CCDC60: variants seen among roughly 807,000 people sequenced by gnomAD.
CCDC60 encodes the protein coiled-coil domain-containing protein 60.
A neutral mutation model predicts 63.5 loss-of-function variants in CCDC60; 54 were observed. That is an observed-to-expected ratio of 0.85 (90% CI 0.68 to 1.07). The LOEUF is 1.07. Among genes scored for constraint, CCDC60 ranks in the 50% least tolerant of loss-of-function variants. The probability of loss-of-function intolerance (pLI) is 0.00; values close to 1 mark genes in which losing one functional copy is unlikely to be tolerated. For missense variants in CCDC60, 651 were observed against 684.3 expected (o/e 0.95, Z 0.54); for synonymous variants, 206 against 238.8 (o/e 0.86, Z 1.27).
At position 119,352,582 on chromosome 12, in the gene CCDC60, A is replaced by G. The variant is rs79631000; in HGVS notation, c.90+17316A>G. Among the ~76,000 whole-genome samples, 48 of 152,350 alleles carry G rather than the reference A, an allele frequency of 3.2e-4. 1 individual carries two copies. The East Asian group carries it at 9.0e-3, about 29-fold the overall frequency. On this transcript the variant is annotated intron_variant, in intron 1 of 13. Coordinates refer to ENST00000327554, the MANE Select transcript of CCDC60 (RefSeq NM_178499.5). ...AAGTCTCAATATTTCCCTCTGCAAC[A>G]TGACCAGAGCTGCTAATAATTGCTG...
At chr12:119,398,533 C>T (rs1455841220) in intron 1 of CCDC60, among the ~76,000 whole-genome samples, 1 of 152,244 alleles carries the variant, frequency 6.6e-6, no homozygotes, top group Non-Finnish European at 1.5e-5. Context: ...CCAGAGTAGG[C>T]ACCAAGGCCG....
At chr12:119,343,721 A>G (rs977777097) in intron 1 of CCDC60, among the ~76,000 whole-genome samples, 14 of 151,380 alleles carry the variant, frequency 9.2e-5, no homozygotes, top group African/African-American at 3.2e-4. Flanking sequence ...AAGTTCTATC[A>G]TGGAAAGACA....
intron 1 of CCDC60, among the ~76,000 whole-genome samples, chr12:119,405,187 G>A (rs975874588): frequency 3.3e-5 from 5 of 152,226 alleles, no homozygotes; most frequent in African/African-American, 1.2e-4. Flanking sequence ...TAACAACCAA[G>A]AGGAAGGTGT....
chr12:119,497,837 T>G (rs1435947210), intron 5 of CCDC60, among the ~76,000 whole-genome samples: 1 of 152,206 alleles, frequency 6.6e-6, no homozygotes, highest in Non-Finnish European at 1.5e-5. Flanking sequence ...TTTATAGGAC[T>G]GAAGGATTGC....
intron 1 of CCDC60, among the ~76,000 whole-genome samples, chr12:119,389,091 C>T (rs575012688): frequency 6.6e-6 from 1 of 152,320 alleles, no homozygotes; most frequent in Admixed American, 6.5e-5. Flanking sequence ...ACAGTAGCAC[C>T]TGTGGCTCTC....
intron 5 of CCDC60, among the ~76,000 whole-genome samples, chr12:119,490,135 T>G (rs1310781915): frequency 6.6e-6 from 1 of 152,110 alleles, no homozygotes; most frequent in Non-Finnish European, 1.5e-5. Flanking sequence ...CTTGAAGACA[T>G]TTATTACCCA....
chr12:119,412,550 CTG>C (rs1459258630), intron 1 of CCDC60, among the ~76,000 whole-genome samples: 3 of 152,108 alleles, frequency 2.0e-5, no homozygotes, highest in Non-Finnish European at 4.4e-5. Context: ...AGGAAGTAAA[CTG>C]TGGTGTAATA....
At chr12:119,350,522 C>A (rs771746409) in intron 1 of CCDC60, among the ~76,000 whole-genome samples, 4 of 152,084 alleles carry the variant, frequency 2.6e-5, no homozygotes, top group Non-Finnish European at 5.9e-5. Context: ...TGTGAGCCAC[C>A]ATGCCCAGCC....
intron 2 of CCDC60, among the ~76,000 whole-genome samples, chr12:119,446,990 C>A (rs1189841401): frequency 2.0e-5 from 3 of 152,106 alleles, no homozygotes; most frequent in Non-Finnish European, 2.9e-5. Context: ...GAGGTAAGGT[C>A]ATCTCAAATG....
Position 119,516,720 on chromosome 12 carries a change from G to A in CCDC60, c.968+13G>A, listed in dbSNP as rs1202762155. 1 of 1,563,254 alleles carries A rather than the reference G, an allele frequency of 6.4e-7. No homozygotes were observed. Among genetic ancestry groups the A allele is most frequent in the South Asian group, 1.1e-5 (1 of 89,534 alleles). On this transcript the variant is annotated intron_variant, in intron 8 of 13. Coordinates refer to ENST00000327554, the MANE Select transcript of CCDC60 (RefSeq NM_178499.5). ...GAAAAGCACCCAGGTATGTGCTCTT[G>A]ACTCCTGGGGCAAATAAAGCTTAGA...
At chr12:119,444,502 C>A (rs1950502581) in intron 2 of CCDC60, among the ~76,000 whole-genome samples, 1 of 152,196 alleles carries the variant, frequency 6.6e-6, no homozygotes, top group Non-Finnish European at 1.5e-5. Flanking sequence ...TAGCCATAGG[C>A]CATTACGTGA....
At chr12:119,534,531 A>G (rs956111401) in intron 13 of CCDC60, among the ~76,000 whole-genome samples, 1 of 152,170 alleles carries the variant, frequency 6.6e-6, no homozygotes, top group Non-Finnish European at 1.5e-5. Flanking sequence ...TTGCCCATTC[A>G]GTATGATATT....
At chr12:119,523,368 G>A (rs1952581947) in intron 10 of CCDC60, among the ~76,000 whole-genome samples, 1 of 152,228 alleles carries the variant, frequency 6.6e-6, no homozygotes, top group African/African-American at 2.4e-5. Flanking sequence ...AAGAAGTGGT[G>A]AAGCTGGACT....
chr12:119,415,914 C>T (rs1490930363), intron 1 of CCDC60, among the ~76,000 whole-genome samples: 1 of 152,140 alleles, frequency 6.6e-6, no homozygotes, highest in Non-Finnish European at 1.5e-5. Context: ...CTGTAGTTTG[C>T]TGATCCCTGG....
chr12:119,460,361 T>G (rs1443079027), intron 2 of CCDC60, among the ~76,000 whole-genome samples: 1 of 152,236 alleles, frequency 6.6e-6, no homozygotes, highest in Non-Finnish European at 1.5e-5. Context: ...AGCACATTTT[T>G]TGCACATTTT....
intron 2 of CCDC60, among the ~76,000 whole-genome samples, chr12:119,446,778 G>GT (rs143527930): frequency 0.075 from 11,308 of 151,148 alleles, 417 homozygotes; most frequent in East Asian, 0.091. Flanking sequence ...TTTTGTTTTT[G>GT]TTTTTTTTTA....
At chr12:119,383,453 A>T (rs1207043665) in intron 1 of CCDC60, among the ~76,000 whole-genome samples, 1 of 152,194 alleles carries the variant, frequency 6.6e-6, no homozygotes, top group African/African-American at 2.4e-5. Flanking sequence ...AGATTTCCTT[A>T]TCTGGAACTT....
In CCDC60 at chr12:119,523,732, G is replaced by A. The variant is rs1952596522; in HGVS notation, c.1143G>A (p.Gly381=). 1 of 1,614,012 alleles carries A rather than the reference G, an allele frequency of 6.2e-7. No homozygotes were observed. The highest frequency in any genetic ancestry group is 1.1e-5 in the South Asian group (1 of 91,080). The change falls in exon 11 of 14, where the codon GGG becomes GGA. Residue 381 remains glycine, a synonymous_variant. Coordinates refer to ENST00000327554, the MANE Select transcript of CCDC60 (RefSeq NM_178499.5). ...NCDINIHYKS[G]VCNTMRAKFY... ...ACATCAACATCCACTACAAGAGTGG[G>A]GTGTGTAACACCATGAGGGCCAAGT... is the stretch of plus-strand genomic sequence containing the variant.
chr12:119,408,559 C>G (rs957245402), intron 1 of CCDC60, among the ~76,000 whole-genome samples: 1 of 152,218 alleles, frequency 6.6e-6, no homozygotes, highest in Non-Finnish European at 1.5e-5. Flanking sequence ...CGCAGTGGCT[C>G]ACACCTGTAA....
Sources: gnomAD v4.1 joint callset for allele counts (sites outside exome capture counted in the v4.1 genomes callset) on GRCh38, gnomAD v4.1.1 for gene constraint, MANE v1.5 for transcripts, NCBI Gene and HGNC (gene_info 2026-07-23, HGNC 2026-07-21) for gene names.